Variants in CHST8 observed in about 807,000 individuals in gnomAD.
CHST8 encodes GALNAC-4-ST1.
A neutral mutation model predicts 15.0 loss-of-function variants in CHST8; 10 were observed. The ratio of observed to expected loss-of-function variants is 0.67; its 90% CI spans 0.41 to 1.13. CHST8 has a LOEUF of 1.13. Ranked by LOEUF, CHST8 falls within the 50% of genes most tolerant of loss-of-function variation. The probability of loss-of-function intolerance (pLI) is 0.00; values close to 1 mark genes in which losing one functional copy is unlikely to be tolerated. For synonymous variants in CHST8, 259 were observed against 256.6 expected, an observed-to-expected ratio of 1.01 and a Z score of -0.09; for missense variants, 634 against 608.2, an observed-to-expected ratio of 1.04 and a Z score of -0.45.
chr19:33,664,927 T>A (rs1300120500), intron 1 of CHST8, among the ~76,000 whole-genome samples: 1 of 152,180 alleles, frequency 6.6e-6, no homozygotes, highest in Non-Finnish European at 1.5e-5. Flanking sequence ...AATAACAAGA[T>A]TTCATTCTTT....
At chr19:33,665,265 A>G (rs1972640928) in intron 1 of CHST8, among the ~76,000 whole-genome samples, 1 of 152,222 alleles carries the variant, frequency 6.6e-6, no homozygotes, top group African/African-American at 2.4e-5. Context: ...TATGCCAGAC[A>G]GACTATTTAT....
chr19:33,704,448 G>C (rs1973405460), intron 3 of CHST8, among the ~76,000 whole-genome samples: 1 of 152,336 alleles, frequency 6.6e-6, no homozygotes, highest in African/African-American at 2.4e-5. Flanking sequence ...GCCACAGGGA[G>C]CGGGAGACCA....
At chr19:33,655,422 A>C (rs1317958024) in intron 1 of CHST8, among the ~76,000 whole-genome samples, 1 of 152,170 alleles carries the variant, frequency 6.6e-6, no homozygotes, top group African/African-American at 2.4e-5. Context: ...CATCTTTGGC[A>C]GATTTTGGTA....
chr19:33,758,394 C>T (rs1489367415), intron 3 of CHST8, among the ~76,000 whole-genome samples: 2 of 152,160 alleles, frequency 1.3e-5, no homozygotes, highest in African/African-American at 4.8e-5. Context: ...CCTAGGCAGC[C>T]CTTTGCAGTC....
chr19:33,772,311 G>A lies in CHST8; in HGVS notation c.523G>A (p.Ala175Thr). The A allele has an allele frequency of 6.2e-7, 1 of 1,604,000 alleles. No homozygotes were observed. The highest frequency in any genetic ancestry group is 8.5e-7 in the Non-Finnish European group (1 of 1,179,154). Reference protein sequence around the residue: ...AKYRASSSRRAVTPRHVSRIF... With the variant: ...AKYRASSSRRTVTPRHVSRIF... ...GTACCGGGCGAGCAGCAGCCGCCGGGCCGTCACGCCCCGCCACGTGTCCCG... is the reference window on the plus strand; with the variant it reads ...GTACCGGGCGAGCAGCAGCCGCCGGACCGTCACGCCCCGCCACGTGTCCCG... The change falls in exon 5 of 5, where the codon GCC becomes ACC. Residue 175 changes from alanine to threonine, a missense_variant. Physicochemically the swap from Ala to Thr is moderately conservative, Grantham distance 58. Coordinates refer to ENST00000650847, the MANE Select transcript of CHST8 (RefSeq NM_001127895.2).
chr19:33,638,534 T>G (rs1600229328), intron 1 of CHST8, among the ~76,000 whole-genome samples: 2 of 152,170 alleles, frequency 1.3e-5, no homozygotes, highest in Non-Finnish European at 2.9e-5. Context: ...CCGGCCACAG[T>G]GCACAACAGC....
intron 3 of CHST8, among the ~76,000 whole-genome samples, chr19:33,730,096 C>T (rs139831183): frequency 1.3e-5 from 2 of 152,256 alleles, no homozygotes; most frequent in Non-Finnish European, 2.9e-5. Context: ...GGGTGTGCAT[C>T]GTCAAGACTT....
chr19:33,656,779 C>G (rs55863518), intron 1 of CHST8, among the ~76,000 whole-genome samples: 253 of 152,086 alleles, frequency 1.7e-3, no homozygotes, highest in Non-Finnish European at 3.0e-3. Flanking sequence ...GCTCAAGTGA[C>G]CCTCCTGCCT....
intron 3 of CHST8, among the ~76,000 whole-genome samples, chr19:33,755,698 C>T (rs1253209011): frequency 2.6e-5 from 4 of 152,214 alleles, no homozygotes; most frequent in South Asian, 2.1e-4. Flanking sequence ...CAGAAATGCA[C>T]GCAGCCTGGA....
chr19:33,759,945 G>A (rs1038834345), intron 3 of CHST8, among the ~76,000 whole-genome samples: 5 of 152,036 alleles, frequency 3.3e-5, no homozygotes, highest in African/African-American at 4.8e-5. Flanking sequence ...GCTGCTCCCC[G>A]CTCCCACCCC....
In CHST8 at chr19:33,664,529, G is replaced by A. The variant is rs575598426; in HGVS notation, c.-163-3238G>A. Among the ~76,000 whole-genome samples, 885 of 145,672 alleles carry A rather than the reference G, an allele frequency of 6.1e-3. 5 individuals are homozygous for A. Among genetic ancestry groups the A allele is most frequent in the Middle Eastern group, 0.015 (4 of 274 alleles). Reference sequence around the variant, plus strand: ...CATTGTTCAATTCCCACCTGTGAGTGAGAACATGCGGTGTTTGGTTTTTTG... The same window carrying A: ...CATTGTTCAATTCCCACCTGTGAGTAAGAACATGCGGTGTTTGGTTTTTTG... On this transcript the variant is annotated intron_variant, in intron 1 of 4. Transcript: ENST00000650847.
intron 3 of CHST8, among the ~76,000 whole-genome samples, chr19:33,721,379 C>T (rs1031191668): frequency 5.3e-5 from 8 of 152,190 alleles, no homozygotes; most frequent in African/African-American, 1.9e-4. Context: ...CCCACAGTCA[C>T]CTTCCCACAC....
At chr19:33,742,053 A>T (rs1974204062) in intron 3 of CHST8, among the ~76,000 whole-genome samples, 15 of 151,964 alleles carry the variant, frequency 9.9e-5, no homozygotes, top group Admixed American at 9.8e-4. Flanking sequence ...AAGACCCCAG[A>T]TGTAAATGTC....
intron 3 of CHST8, among the ~76,000 whole-genome samples, chr19:33,762,389 C>A (rs1974751240): frequency 6.6e-6 from 1 of 152,244 alleles, no homozygotes; most frequent in African/African-American, 2.4e-5. Flanking sequence ...ATGCTCGACT[C>A]TCTGACAGCT....
intron 3 of CHST8, among the ~76,000 whole-genome samples, chr19:33,761,221 A>G (rs1223450531): frequency 6.6e-6 from 1 of 152,234 alleles, no homozygotes; most frequent in Non-Finnish European, 1.5e-5. Flanking sequence ...GAAGACAAGC[A>G]GCCAGGCACG....
At chr19:33,666,839 A>T (rs528797008) in intron 1 of CHST8, among the ~76,000 whole-genome samples, 2 of 152,086 alleles carry the variant, frequency 1.3e-5, no homozygotes, top group Non-Finnish European at 2.9e-5. Flanking sequence ...CGTAGCTGGG[A>T]CTACAGGTGC....
At chr19:33,752,904 C>A (rs1488450649) in intron 3 of CHST8, among the ~76,000 whole-genome samples, 1 of 152,202 alleles carries the variant, frequency 6.6e-6, no homozygotes, top group Non-Finnish European at 1.5e-5. Flanking sequence ...TCAAAATTTG[C>A]CAGACTTTAT....
intron 3 of CHST8, among the ~76,000 whole-genome samples, chr19:33,735,967 A>C (rs1974074895): frequency 6.6e-6 from 1 of 152,238 alleles, no homozygotes; most frequent in Non-Finnish European, 1.5e-5. Flanking sequence ...GCCACCTGGC[A>C]ATGTCCTTAC....
chr19:33,640,769 A>G (rs1972273458), intron 1 of CHST8, among the ~76,000 whole-genome samples: 2 of 152,114 alleles, frequency 1.3e-5, no homozygotes, highest in South Asian at 4.2e-4. Context: ...CTTGCCCAAG[A>G]AGGAACCTCC....
Sources: allele counts gnomAD v4.1 joint callset (sites outside exome capture counted in the v4.1 genomes callset), GRCh38; gene constraint gnomAD v4.1.1; transcripts MANE v1.5; gene names NCBI Gene and HGNC (gene_info 2026-07-23, HGNC 2026-07-21).